Variants in CLVS1 observed in about 807,000 individuals in gnomAD.
CLVS1 encodes the protein clavesin 1.
CLVS1 carries 10 observed loss-of-function variants against 33.1 expected under a neutral mutation model. The ratio of observed to expected loss-of-function variants is 0.30; its 90% CI spans 0.19 to 0.51. CLVS1 has a LOEUF of 0.51. CLVS1 is among the 20% of genes least tolerant of loss of function. The probability of loss-of-function intolerance (pLI) is 0.97; values close to 1 mark genes in which losing one functional copy is unlikely to be tolerated. For synonymous variants in CLVS1, 163 were observed against 166.1 expected (o/e 0.98, Z 0.14); for missense variants, 343 against 433.4 (o/e 0.79, Z 1.85).
intron 2 of CLVS1, among the ~76,000 whole-genome samples, chr8:61,250,087 T>A (rs2129591552): frequency 6.6e-6 from 1 of 152,298 alleles, no homozygotes; most frequent in East Asian, 1.9e-4. Context: ...TGGGTTGATT[T>A]TTTTGTATAA....
chr8:61,221,332 G>A (rs903902130), intron 2 of CLVS1, among the ~76,000 whole-genome samples: 14 of 152,132 alleles, frequency 9.2e-5, no homozygotes, highest in Non-Finnish European at 2.9e-5. Context: ...GTCATAAATA[G>A]ATCCTATTAT....
At chr8:61,043,879 C>G in the CLVS1 span, among the ~76,000 whole-genome samples, 9 of 152,160 alleles carry the variant, frequency 5.9e-5, no homozygotes, top group Non-Finnish European at 1.0e-4. Flanking sequence ...TGGGGCATGT[C>G]AGCAGGCCCT....
chr8:61,453,086 C>CTT (rs1192095141), intron 3 of CLVS1, among the ~76,000 whole-genome samples: 3 of 49,786 alleles, frequency 6.0e-5, no homozygotes, highest in African/African-American at 2.1e-4. Context: ...ATCTTGCTAA[C>CTT]ATTTTTTTTT....
At chr8:61,406,446 C>T (rs781536191) in intron 3 of CLVS1, among the ~76,000 whole-genome samples, 14 of 152,148 alleles carry the variant, frequency 9.2e-5, no homozygotes, top group Admixed American at 2.0e-4. Context: ...CAATAAGTTG[C>T]GTTCCAGCTC....
intron 2 of CLVS1, among the ~76,000 whole-genome samples, chr8:61,244,079 A>C (rs1241311836): frequency 1.3e-5 from 2 of 152,182 alleles, no homozygotes; most frequent in African/African-American, 2.4e-5. Flanking sequence ...CACCCAGGGC[A>C]AACATCCCAG....
intron 3 of CLVS1, among the ~76,000 whole-genome samples, chr8:61,426,593 C>T (rs10089394): frequency 0.024 from 3,651 of 152,236 alleles, 156 homozygotes; most frequent in African/African-American, 0.083. Flanking sequence ...AGTGGAGGAT[C>T]GGGCCCCTGC....
At chr8:61,051,727 G>A in the CLVS1 span, among the ~76,000 whole-genome samples, 1 of 152,266 alleles carries the variant, frequency 6.6e-6, no homozygotes, top group Non-Finnish European at 1.5e-5. Flanking sequence ...ACCTCAGTGA[G>A]TCTCATGTTT....
chr8:61,099,604 G>T (rs1805411628), intron 1 of CLVS1, among the ~76,000 whole-genome samples: 1 of 152,132 alleles, frequency 6.6e-6, no homozygotes, highest in South Asian at 2.1e-4. Context: ...ATGGCTGAGA[G>T]AAATCTTTCT....
chr8:61,063,584 C>A (rs1343592605), intron 1 of CLVS1, among the ~76,000 whole-genome samples: 2 of 151,938 alleles, frequency 1.3e-5, no homozygotes, highest in Admixed American at 6.6e-5. Flanking sequence ...ACAGGTAAAG[C>A]CTAGTGGAGG....
chr8:61,354,383 G>A (rs999464394), intron 2 of CLVS1, among the ~76,000 whole-genome samples: 1 of 151,892 alleles, frequency 6.6e-6, no homozygotes, highest in Non-Finnish European at 1.5e-5. Flanking sequence ...GTAAAATAGT[G>A]TCATCTTTCT....
At chr8:61,322,545 C>T (rs186387289) in intron 2 of CLVS1, among the ~76,000 whole-genome samples, 11 of 152,180 alleles carry the variant, frequency 7.2e-5, no homozygotes, top group Non-Finnish European at 2.9e-5. Context: ...CCAGTGCCAT[C>T]GGTGGTGTCA....
At chr8:61,147,281 C>A (rs191657682) in intron 2 of CLVS1, among the ~76,000 whole-genome samples, 84 of 152,286 alleles carry the variant, frequency 5.5e-4, no homozygotes, top group Non-Finnish European at 1.1e-3. Context: ...CTTGAAGCCT[C>A]ACTCAATGAA....
At chr8:61,095,414 C>A (rs1438872392) in intron 1 of CLVS1, among the ~76,000 whole-genome samples, 1 of 152,102 alleles carries the variant, frequency 6.6e-6, no homozygotes, top group Non-Finnish European at 1.5e-5. Context: ...TTTTTCCAAA[C>A]GTTGAGACCA....
intron 5 of CLVS1, among the ~76,000 whole-genome samples, chr8:61,490,820 T>C (rs536548428): frequency 6.6e-6 from 1 of 151,634 alleles, no homozygotes; most frequent in Admixed American, 6.6e-5. Flanking sequence ...TAGCTGAGCG[T>C]GGTGGCGGGT....
intron 2 of CLVS1, among the ~76,000 whole-genome samples, chr8:61,242,961 G>A (rs965409028): frequency 4.0e-5 from 6 of 148,808 alleles, no homozygotes; most frequent in African/African-American, 1.5e-4. Context: ...TCATCTCAGA[G>A]TTATCATTTG....
the CLVS1 span, among the ~76,000 whole-genome samples, chr8:61,014,708 C>G: frequency 6.6e-6 from 1 of 152,202 alleles, no homozygotes. Context: ...CTTATGAAGA[C>G]TTGACAAAGG....
intron 2 of CLVS1, among the ~76,000 whole-genome samples, chr8:61,351,999 A>G (rs1812489728): frequency 6.6e-6 from 1 of 152,130 alleles, no homozygotes; most frequent in African/African-American, 2.4e-5. Flanking sequence ...AAGAAGGAAC[A>G]AGAGGAAGAG....
chr8:61,355,709 C>A (rs528641049), intron 2 of CLVS1, among the ~76,000 whole-genome samples: 13 of 152,090 alleles, frequency 8.5e-5, no homozygotes, highest in Admixed American at 7.2e-4. Flanking sequence ...TGATGATTTC[C>A]AATTTCATCC....
chr8:61,187,915 G>A lies in CLVS1; in HGVS notation c.-152+56055G>A, dbSNP rs149726576. 4.6e-3 allele frequency among the ~76,000 whole-genome samples: 695 copies of A among 151,212 alleles called. 16 individuals are homozygous for A. Among genetic ancestry groups the A allele is most frequent in the Admixed American group, 0.041 (621 of 15,126 alleles). On this transcript the variant is annotated intron_variant, in intron 2 of 2. Transcript: ENST00000522621. ...ATAGGATATAATAGGATATATTCAC[G>A]TCTTCATAGATATATTATAGAGCTG...
Sources: allele counts gnomAD v4.1 joint callset (sites outside exome capture counted in the v4.1 genomes callset), GRCh38; gene constraint gnomAD v4.1.1; transcripts MANE v1.5; gene names NCBI Gene and HGNC (gene_info 2026-07-23, HGNC 2026-07-21).